The following DOCK2 variants were observed in gnomAD, a reference collection of about 807,000 sequenced individuals.
DOCK2 encodes the protein dedicator of cytokinesis protein 2.
In DOCK2, 87 loss-of-function variants were observed where a neutral mutation model predicts 248.9. The ratio of observed to expected loss-of-function variants is 0.35; its 90% CI spans 0.29 to 0.42. DOCK2 has a LOEUF of 0.42. Among genes scored for constraint, DOCK2 ranks in the 10% least tolerant of loss-of-function variants. The pLI is 1.00. For synonymous variants in DOCK2, 805 were observed against 821.6 expected (o/e 0.98, Z 0.35); for missense variants, 1,747 against 2,300.2 (o/e 0.76, Z 4.92).
At position 169,757,201 on chromosome 5, in the gene DOCK2, G is replaced by A. The variant is rs117085522; in HGVS notation, c.2377-2504G>A. Among the ~76,000 whole-genome samples the A allele has an allele frequency of 9.3e-4, 141 of 152,124 alleles. No homozygotes were observed. In the East Asian group the frequency reaches 0.022, roughly 23 times the overall value. ...TCATTCCATATCACTTCTTTCTGTT[G>A]CTTGTCTAGCCCTGCAGTCATCTGA... On this transcript the variant is annotated intron_variant, in intron 23 of 51. Transcript: ENST00000520908.
chr5:169,952,243 C>T (rs978304531), intron 27 of DOCK2, among the ~76,000 whole-genome samples: 4 of 152,106 alleles, frequency 2.6e-5, no homozygotes, highest in African/African-American at 9.7e-5. Flanking sequence ...TGGGAAGAGA[C>T]CTGTTTTTTA....
intron 2 of DOCK2, among the ~76,000 whole-genome samples, chr5:169,663,807 G>A (rs753212712): frequency 1.2e-4 from 18 of 152,222 alleles, no homozygotes; most frequent in Non-Finnish European, 2.4e-4. Flanking sequence ...CTCTGGGCCT[G>A]TGATTGGAGG....
rs757274757 is a variant in DOCK2, at chr5:169,708,163, G to A, written c.1384-6G>A. 13 of 1,613,252 alleles carry A rather than the reference G, an allele frequency of 8.1e-6. No individual in the cohort carries two copies. In the South Asian group the frequency reaches 1.1e-4, roughly 14 times the overall value. On this transcript the variant is annotated splice_polypyrimidine_tract_variant and splice_region_variant and intron_variant, in intron 14 of 51. Coordinates refer to ENST00000520908, the MANE Select transcript of DOCK2 (RefSeq NM_004946.3). The stretch of plus-strand genomic sequence containing the variant: ...CTTTTCCCTCACTTTGTTTTTCTTG[G>A]GTCAGAATGCAATTTGCGTGGGAGC...
chr5:170,058,603 G>A (rs1757218915), intron 44 of DOCK2, among the ~76,000 whole-genome samples: 1 of 152,148 alleles, frequency 6.6e-6, no homozygotes, highest in Non-Finnish European at 1.5e-5. Context: ...GACAGCAAGT[G>A]AAAAGCCCTG....
In DOCK2 at chr5:169,689,238, T is replaced by C. The variant is rs772373702; in HGVS notation, c.762-14T>C. 1.2e-6 allele frequency: 2 copies of C among 1,613,762 alleles called. No individual in the cohort carries two copies. The highest frequency in any genetic ancestry group is 2.7e-5 in the African/African-American group (2 of 74,894). On this transcript the variant is annotated splice_polypyrimidine_tract_variant and intron_variant, in intron 8 of 51. Transcript: ENST00000520908. ...TCCCTTGGCAGTAACGGGCTGCCACTCTTCTTCCCACAGTGAGAACTACCT... is the reference window on the plus strand; with the variant it reads ...TCCCTTGGCAGTAACGGGCTGCCACCCTTCTTCCCACAGTGAGAACTACCT...
intron 30 of DOCK2, among the ~76,000 whole-genome samples, chr5:170,003,675 G>A (rs1431437010): frequency 6.6e-6 from 1 of 152,242 alleles, no homozygotes; most frequent in Non-Finnish European, 1.5e-5. Context: ...AGGCCACCTA[G>A]GTGGGCAGTT....
intron 41 of DOCK2, among the ~76,000 whole-genome samples, chr5:170,051,782 T>C (rs1297485792): frequency 6.6e-6 from 1 of 151,004 alleles, no homozygotes; most frequent in Non-Finnish European, 1.5e-5. Flanking sequence ...TTAATAGAAA[T>C]AAAAAGAAAA....
At chr5:169,710,001 G>C (rs182556759) in intron 15 of DOCK2, among the ~76,000 whole-genome samples, 3 of 152,364 alleles carry the variant, frequency 2.0e-5, no homozygotes, top group East Asian at 1.9e-4. Flanking sequence ...AGCCAAAGCA[G>C]GTGGGAGGCT....
chr5:169,646,372 C>T (rs1757471546), intron 1 of DOCK2, among the ~76,000 whole-genome samples: 1 of 152,186 alleles, frequency 6.6e-6, no homozygotes, highest in African/African-American at 2.4e-5. Context: ...TTAGCCCTCA[C>T]AGACACCCTA....
chr5:169,674,576 A>C, intron 6 of DOCK2, 131 bp downstream of exon 6: 1 of 1,397,364 alleles, frequency 7.2e-7, no homozygotes, highest in Non-Finnish European at 9.7e-7. Context: ...GGTTGTGACC[A>C]ATGGCTGTGC....
intron 14 of DOCK2, among the ~76,000 whole-genome samples, chr5:169,707,545 C>G (rs145289796): frequency 3.9e-5 from 6 of 152,342 alleles, no homozygotes; most frequent in Non-Finnish European, 7.3e-5. Context: ...GAGCTCACGT[C>G]AGGTTCAATG....
chr5:170,056,905 C>A lies in DOCK2; in HGVS notation c.4380+137C>A. 4.2e-6 allele frequency: 3 copies of A among 718,148 alleles called. 1 individual carries two copies. The South Asian group carries it at 5.7e-5, about 14-fold the overall frequency. The allele number at this position is 718,148 out of a possible 1,614,324, so 44.5% of individuals were successfully genotyped here. The stretch of plus-strand genomic sequence containing the variant: ...AAGCCAACCTCCATGGATACCATGA[C>A]GTCCGTTCCCCAATCTCTTCCATTA... On this transcript the variant is annotated intron_variant, in intron 43 of 51. Transcript: ENST00000520908.
At chr5:169,868,221 A>G (rs890566682) in intron 27 of DOCK2, among the ~76,000 whole-genome samples, 2 of 152,210 alleles carry the variant, frequency 1.3e-5, no homozygotes, top group African/African-American at 4.8e-5. Flanking sequence ...TACTGTCCCC[A>G]GTGTGTTTGA....
intron 44 of DOCK2, among the ~76,000 whole-genome samples, chr5:170,059,831 A>G (rs185279677): frequency 6.6e-6 from 1 of 152,316 alleles, no homozygotes; most frequent in East Asian, 1.9e-4. Flanking sequence ...TGGGAAAGAA[A>G]TAGTCAAGAT....
At chr5:170,073,637 A>C (rs1179686760) in intron 46 of DOCK2, among the ~76,000 whole-genome samples, 2 of 151,912 alleles carry the variant, frequency 1.3e-5, no homozygotes, top group African/African-American at 4.8e-5. Context: ...CACATATTTT[A>C]TTTTCTTTCA....
At chr5:169,800,565 C>A (rs1402166591) in intron 25 of DOCK2, among the ~76,000 whole-genome samples, 1 of 152,178 alleles carries the variant, frequency 6.6e-6, no homozygotes, top group African/African-American at 2.4e-5. Context: ...TGAGATTTGG[C>A]TCTGAGAGAA....
chr5:169,879,999 T>C (rs1361046122), intron 27 of DOCK2, among the ~76,000 whole-genome samples: 1 of 152,232 alleles, frequency 6.6e-6, no homozygotes, highest in Non-Finnish European at 1.5e-5. Context: ...AATAGTTTTG[T>C]CCTCTCTGTC....
chr5:170,079,817 A>G (rs1457407641), intron 49 of DOCK2: 2 of 194,132 alleles, frequency 1.0e-5, no homozygotes, highest in Admixed American at 5.6e-5. Flanking sequence ...TGCCTTAGTG[A>G]AGAAAGGGCC....
Position 169,654,208 on chromosome 5 carries a change from G to A in DOCK2, c.44-195G>A, listed in dbSNP as rs140642519. Among the ~76,000 whole-genome samples the A allele has an allele frequency of 9.7e-3, 1,481 of 152,338 alleles. 14 individuals are homozygous for A. Among genetic ancestry groups the A allele is most frequent in the Non-Finnish European group, 0.016 (1,059 of 68,026 alleles). ...CTGTGTTGAGGAAAGGTCAACTTTG[G>A]TTAATAGAAGGTCTTGGGAGCCAGG... On this transcript the variant is annotated intron_variant, in intron 1 of 51. Transcript: ENST00000520908.
Sources: gnomAD v4.1 joint callset for allele counts (sites outside exome capture counted in the v4.1 genomes callset) on GRCh38, gnomAD v4.1.1 for gene constraint, MANE v1.5 for transcripts, NCBI Gene and HGNC (gene_info 2026-07-23, HGNC 2026-07-21) for gene names.